Variants in CDC42SE2 observed in about 807,000 individuals in gnomAD.
The protein encoded by CDC42SE2 is CDC42 small effector protein 2.
In CDC42SE2, 3 loss-of-function variants were observed where a neutral mutation model predicts 11.5. The observed-to-expected ratio is 0.26, with a 90% CI of 0.12 to 0.67. CDC42SE2 has a LOEUF of 0.67. CDC42SE2 is among the 30% of genes least tolerant of loss of function. The probability of loss-of-function intolerance (pLI) is 0.80; values close to 1 mark genes in which losing one functional copy is unlikely to be tolerated. For missense variants in CDC42SE2, 82 were observed against 106.8 expected (o/e 0.77, Z 1.02); for synonymous variants, 33 against 34.8 (o/e 0.95, Z 0.18).
intron 2 of CDC42SE2, among the ~76,000 whole-genome samples, chr5:131,356,365 C>G (rs888142394): frequency 6.6e-6 from 1 of 152,074 alleles, no homozygotes; most frequent in Non-Finnish European, 1.5e-5. Flanking sequence ...GTGAAGAATT[C>G]AATACTTCCT....
At chr5:131,343,824 A>G (rs1758770144) in intron 2 of CDC42SE2, among the ~76,000 whole-genome samples, 1 of 152,148 alleles carries the variant, frequency 6.6e-6, no homozygotes. Flanking sequence ...TGAACATGGC[A>G]GTTACTCTTA....
At position 131,300,510 on chromosome 5, in the gene CDC42SE2, C is replaced by T. The variant is rs550087418; in HGVS notation, c.-454-15466C>T. 1.4e-4 allele frequency among the ~76,000 whole-genome samples: 21 copies of T among 152,204 alleles called. No individual in the cohort carries two copies. In the South Asian group the frequency reaches 3.1e-3, roughly 23 times the overall value. On this transcript the variant is annotated intron_variant, in intron 1 of 4. Transcript: ENST00000505065. Reference sequence around the variant, plus strand: ...ATTAATAATTATGTTGTAGGCCTGGCGCAGTGGCTCACGCCTGTAATCCCA... The same window carrying T: ...ATTAATAATTATGTTGTAGGCCTGGTGCAGTGGCTCACGCCTGTAATCCCA...
At chr5:131,351,592 A>G (rs1426402415) in intron 2 of CDC42SE2, among the ~76,000 whole-genome samples, 2 of 152,228 alleles carry the variant, frequency 1.3e-5, no homozygotes, top group Non-Finnish European at 2.9e-5. Flanking sequence ...AATTAATCTG[A>G]TAAGAAAAGG....
At chr5:131,306,460 C>T (rs1024471642) in intron 1 of CDC42SE2, among the ~76,000 whole-genome samples, 2 of 152,004 alleles carry the variant, frequency 1.3e-5, no homozygotes, top group Non-Finnish European at 2.9e-5. Context: ...TCAGTATTTC[C>T]GTTTTTATGC....
intron 4 of CDC42SE2, among the ~76,000 whole-genome samples, chr5:131,387,833 G>A (rs1580792430): frequency 2.0e-5 from 3 of 152,164 alleles, no homozygotes; most frequent in Non-Finnish European, 2.9e-5. Context: ...TGCTACTGAA[G>A]TGGACTTTTT....
the CDC42SE2 span, among the ~76,000 whole-genome samples, chr5:131,226,373 C>A: frequency 3.3e-5 from 5 of 152,198 alleles, no homozygotes; most frequent in African/African-American, 1.2e-4. Flanking sequence ...GGCCCCTTAA[C>A]AAATTCCTAC....
chr5:131,249,856 C>G (rs140599406), intron 1 of CDC42SE2, among the ~76,000 whole-genome samples: 1 of 152,040 alleles, frequency 6.6e-6, no homozygotes, highest in African/African-American at 2.4e-5. Flanking sequence ...GCACTCCAGT[C>G]TGGACAACAG....
intron 3 of CDC42SE2, among the ~76,000 whole-genome samples, chr5:131,384,913 C>CAAA (rs34252680): frequency 2.1e-4 from 15 of 71,984 alleles, no homozygotes; most frequent in Admixed American, 3.1e-4. Context: ...GACTCCATCT[C>CAAA]AAAAAAAAAA....
intron 1 of CDC42SE2, among the ~76,000 whole-genome samples, chr5:131,307,117 C>T (rs1757795237): frequency 6.6e-6 from 1 of 151,464 alleles, no homozygotes; most frequent in Non-Finnish European, 1.5e-5. Flanking sequence ...GCACATTGTG[C>T]AGGTTAGTTA....
chr5:131,377,178 T>A (rs1255277838), intron 3 of CDC42SE2, among the ~76,000 whole-genome samples: 1 of 151,418 alleles, frequency 6.6e-6, no homozygotes, highest in East Asian at 1.9e-4. Context: ...TATGTAATTT[T>A]TTTTTTTTTT....
chr5:131,373,176 A>G (rs1750059245), intron 3 of CDC42SE2, among the ~76,000 whole-genome samples: 1 of 152,164 alleles, frequency 6.6e-6, no homozygotes, highest in African/African-American at 2.4e-5. Context: ...TTATATGTAT[A>G]TTTTCTTCTT....
chr5:131,334,611 G>A (rs546712746), intron 2 of CDC42SE2, among the ~76,000 whole-genome samples: 1 of 152,184 alleles, frequency 6.6e-6, no homozygotes, highest in African/African-American at 2.4e-5. Flanking sequence ...TTTTTTGGTT[G>A]GTAGGCTATT....
intron 2 of CDC42SE2, among the ~76,000 whole-genome samples, chr5:131,348,134 G>C (rs998133774): frequency 6.6e-6 from 1 of 152,196 alleles, no homozygotes; most frequent in Admixed American, 6.5e-5. Flanking sequence ...AGTGTTGGAA[G>C]TTCTGGCAAG....
intron 2 of CDC42SE2, among the ~76,000 whole-genome samples, chr5:131,334,211 G>A (rs200982738): frequency 3.2e-4 from 49 of 152,180 alleles, no homozygotes; most frequent in East Asian, 1.2e-3. Context: ...TTCTGCATCT[G>A]TTGAGATAAT....
chr5:131,243,554 C>A (rs1756556836), upstream of CDC42SE2, among the ~76,000 whole-genome samples: 1 of 152,176 alleles, frequency 6.6e-6, no homozygotes, highest in African/African-American at 2.4e-5. Context: ...CCACTGCACT[C>A]CAGCCTGGGT....
At chr5:131,361,407 C>T (rs1580779006) in intron 3 of CDC42SE2, among the ~76,000 whole-genome samples, 1 of 152,114 alleles carries the variant, frequency 6.6e-6, no homozygotes, top group East Asian at 1.9e-4. Context: ...AGAAGCCATG[C>T]GATGGGGGTG....
chr5:131,217,686 A>G, the CDC42SE2 span, among the ~76,000 whole-genome samples: 1 of 152,194 alleles, frequency 6.6e-6, no homozygotes, highest in Non-Finnish European at 1.5e-5. Flanking sequence ...TCTATGACAC[A>G]AAAAAGCATT....
intron 1 of CDC42SE2, among the ~76,000 whole-genome samples, chr5:131,265,587 C>T (rs78020951): frequency 0.013 from 1,998 of 152,234 alleles, 44 homozygotes; most frequent in African/African-American, 0.044. Context: ...AAAGTTATTT[C>T]CTTATTATTG....
intron 3 of CDC42SE2, among the ~76,000 whole-genome samples, chr5:131,369,453 G>A (rs1200198981): frequency 6.6e-6 from 1 of 152,030 alleles, no homozygotes; most frequent in Non-Finnish European, 1.5e-5. Flanking sequence ...GACATTACTG[G>A]GTCTAACAGC....
Sources: gnomAD v4.1 joint callset for allele counts (sites outside exome capture counted in the v4.1 genomes callset) on GRCh38, gnomAD v4.1.1 for gene constraint, MANE v1.5 for transcripts, NCBI Gene and HGNC (gene_info 2026-07-23, HGNC 2026-07-21) for gene names.